The following NUMA1 variants were observed in gnomAD, a reference collection of about 807,000 sequenced individuals.
The protein encoded by NUMA1 is nuclear mitotic apparatus protein 1, also known as SP-H antigen.
In NUMA1, 62 loss-of-function variants were observed where a neutral mutation model predicts 237.1. The observed-to-expected ratio is 0.26, with a 90% CI of 0.21 to 0.32. NUMA1 has a LOEUF of 0.32. Among genes scored for constraint, NUMA1 ranks in the 10% least tolerant of loss-of-function variants. The pLI, the probability that NUMA1 is intolerant of heterozygous loss-of-function variation, is 1.00. For synonymous variants in NUMA1, 1,028 were observed against 1,066.1 expected (o/e 0.96, Z 0.70); for missense variants, 2,533 against 2,666.5 (o/e 0.95, Z 1.10).
intron 2 of NUMA1, among the ~76,000 whole-genome samples, chr11:72,064,386 C>T (rs1943106764): frequency 6.6e-6 from 1 of 151,838 alleles, no homozygotes; most frequent in African/African-American, 2.4e-5. Flanking sequence ...CACTTGAGCC[C>T]AGGAGGTCAA....
At chr11:72,048,674 AAAATCAGC>A (rs1434639405) in intron 2 of NUMA1, among the ~76,000 whole-genome samples, 1 of 152,090 alleles carries the variant, frequency 6.6e-6, no homozygotes, top group Non-Finnish European at 1.5e-5. Flanking sequence ...TGCCAGGCCG[AAAATCAGC>A]TTCTTAATCA....
In NUMA1 at chr11:72,015,708, G is replaced by T; in HGVS notation, c.1795C>A (p.Arg599=). The change falls in exon 15 of 27, where the codon CGG becomes AGG. Residue 599 remains arginine (R), a synonymous_variant. Coordinates refer to ENST00000393695, the MANE Select transcript of NUMA1 (RefSeq NM_006185.4). The surrounding 1 kb of genome is among the most constrained non-coding windows in gnomAD (Gnocchi z 4.0). ...TCCAGCTGCTTGAGAGCCGCATCCC[G>T]CTCCCTTAAGGAGGCCTCTCGCTCC... ...AEEREASLRE[R]DAALKQLEAL... 1 of 1,614,010 alleles carries T rather than the reference G, an allele frequency of 6.2e-7. No homozygotes were observed.
intron 17 of NUMA1, among the ~76,000 whole-genome samples, chr11:72,009,672 C>T (rs1212505860): frequency 6.6e-6 from 1 of 152,220 alleles, no homozygotes; most frequent in Non-Finnish European, 1.5e-5. Context: ...TCTTTGCATG[C>T]ACAATCTCCC....
At chr11:72,063,006 G>A (rs530842693) in intron 2 of NUMA1, among the ~76,000 whole-genome samples, 1 of 152,168 alleles carries the variant, frequency 6.6e-6, no homozygotes, top group South Asian at 2.1e-4. Flanking sequence ...AACAGGTGGA[G>A]GTTGCAGTGA....
Position 72,007,302 on chromosome 11 carries a change from C to A in NUMA1, c.5350G>T (p.Ala1784Ser). 2 of 1,613,036 alleles carry A rather than the reference C, an allele frequency of 1.2e-6. No individual in the cohort carries two copies. The highest frequency in any genetic ancestry group is 1.7e-6 in the Non-Finnish European group (2 of 1,179,672). The part of the protein sequence containing the change: ...YFTPIPARSQ[A>S]PLESSLDSLG... Reference sequence around the variant, plus strand: ...GAGTCCAGGCTGCTCTCCAGGGGGGCCTGACTCCGAGCAGGGATGGGAGTG... The same window carrying A: ...GAGTCCAGGCTGCTCTCCAGGGGGGACTGACTCCGAGCAGGGATGGGAGTG... Residue 1784 changes from alanine (A) to serine (S), a missense_variant, in exon 21 of 27, where the codon GCC becomes TCC. This residue lies in a region of NUMA1 where 795 missense variants were observed against 750.8 expected (regional missense o/e 1.06). Transcript: ENST00000393695.
At chr11:72,056,877 G>A (rs2136106784) in intron 2 of NUMA1, among the ~76,000 whole-genome samples, 1 of 151,938 alleles carries the variant, frequency 6.6e-6, no homozygotes, top group South Asian at 2.1e-4. Flanking sequence ...AGTAACAGAA[G>A]CCCAGGAAAG....
At chr11:72,057,904 T>C (rs1705774872) in intron 2 of NUMA1, among the ~76,000 whole-genome samples, 1 of 144,668 alleles carries the variant, frequency 6.9e-6, no homozygotes, top group Non-Finnish European at 1.5e-5. Context: ...ACCCTGTCTC[T>C]ATTAAAAAAA....
At chr11:72,005,754 C>T in intron 22 of NUMA1, 1 of 505,386 alleles carries the variant, frequency 2.0e-6, no homozygotes, top group Non-Finnish European at 3.5e-6. Flanking sequence ...AGCAGCCCAT[C>T]ACCGCCTGAG....
intron 2 of NUMA1, chr11:72,041,864 C>CT (rs1941694916): frequency 6.5e-6 from 1 of 152,832 alleles, no homozygotes; most frequent in African/African-American, 2.4e-5. Flanking sequence ...GTGCCCGCTC[C>CT]TCCCCCTCCG....
intron 1 of NUMA1, among the ~76,000 whole-genome samples, chr11:72,073,908 G>A (rs1046164599): frequency 9.2e-5 from 14 of 152,248 alleles, no homozygotes; most frequent in Admixed American, 9.2e-4. Context: ...AGTAGCTTCC[G>A]AGGCTGGCTG....
At chr11:72,023,546 G>A (rs1364903572) in intron 5 of NUMA1, among the ~76,000 whole-genome samples, 2 of 152,160 alleles carry the variant, frequency 1.3e-5, no homozygotes, top group Admixed American at 6.5e-5. Flanking sequence ...CTAGGGATAC[G>A]TGACTCTTAT....
chr11:72,074,416 G>A lies in NUMA1; in HGVS notation c.-102-4505C>T, dbSNP rs143592657. Among the ~76,000 whole-genome samples the A allele has an allele frequency of 3.6e-3, 549 of 152,072 alleles. 1 individual carries two copies. In the Middle Eastern group the frequency reaches 0.037, roughly 10 times the overall value. ...GAACAGTGCCTAGTTCACAATATAC[G>A]CTGGAAAAAAAATGTTACCTATTGC... On this transcript the variant is annotated intron_variant, in intron 1 of 26. Transcript: ENST00000393695.
chr11:72,025,229 G>A (rs571325638), intron 4 of NUMA1, among the ~76,000 whole-genome samples: 30 of 152,276 alleles, frequency 2.0e-4, no homozygotes, highest in African/African-American at 7.0e-4. Context: ...GTCTGTACTT[G>A]CTTAACTGGA....
At chr11:72,029,144 G>C in intron 4 of NUMA1, 61 bp downstream of exon 4, 2 of 1,230,996 alleles carry the variant, frequency 1.6e-6, no homozygotes, top group Non-Finnish European at 2.4e-6. Flanking sequence ...AACAAGTACA[G>C]CCCCCACCCC....
chr11:72,079,315 G>A (rs1943903298), intron 1 of NUMA1, among the ~76,000 whole-genome samples: 1 of 152,180 alleles, frequency 6.6e-6, no homozygotes, highest in African/African-American at 2.4e-5. Flanking sequence ...AGCCGAGGCG[G>A]GCGGATCACG....
chr11:72,012,452 G>A lies in NUMA1; in HGVS notation c.4609-10C>T. On this transcript the variant is annotated splice_polypyrimidine_tract_variant and intron_variant, in intron 15 of 26. Coordinates refer to ENST00000393695, the MANE Select transcript of NUMA1 (RefSeq NM_006185.4). ...CCTCTAGCTGCTCCACCTGTACATGGGGGAGGAGCAACAGAGACAGAGTGA... is the reference window on the plus strand; with the variant it reads ...CCTCTAGCTGCTCCACCTGTACATGAGGGAGGAGCAACAGAGACAGAGTGA... 1.9e-6 allele frequency: 3 copies of A among 1,612,060 alleles called. No homozygotes were observed. Among genetic ancestry groups the A allele is most frequent in the Non-Finnish European group, 2.5e-6 (3 of 1,178,874 alleles).
chr11:72,015,337 C>G lies in NUMA1; in HGVS notation c.2166G>C (p.Lys722Asn), dbSNP rs1234954609. Residue 722 changes from lysine (K) to asparagine (N), a missense_variant, in exon 15 of 27, where the codon AAG (lysine) becomes AAC (asparagine). This residue lies in a region of NUMA1 where 1,414 missense variants were observed against 1,508.1 expected (regional missense o/e 0.94). Coordinates refer to ENST00000393695, the MANE Select transcript of NUMA1 (RefSeq NM_006185.4). This position sits in a 1 kb window ranked among gnomAD's most constrained non-coding sequence, Gnocchi z 4.0. ...KVTKGSLEEE[K>N]RRAADALEEQ... ...CTTCCAGGGCATCTGCAGCCCTGCGCTTCTCCTCTTCAAGGCTGCCCTTGG... is the reference window on the plus strand; with the variant it reads ...CTTCCAGGGCATCTGCAGCCCTGCGGTTCTCCTCTTCAAGGCTGCCCTTGG... The G allele has an allele frequency of 1.9e-6, 3 of 1,613,330 alleles. No individual in the cohort carries two copies. The highest frequency in any genetic ancestry group is 2.5e-6 in the Non-Finnish European group (3 of 1,180,048).
At position 72,008,844 on chromosome 11, in the gene NUMA1, A is replaced by G; in HGVS notation, c.5060T>C (p.Val1687Ala). 1 of 1,614,108 alleles carries G rather than the reference A, an allele frequency of 6.2e-7. No individual in the cohort carries two copies. The highest frequency in any genetic ancestry group is 1.7e-4 in the Middle Eastern group (1 of 6,060). Residue 1687 changes from valine (V) to alanine (A), a missense_variant and splice_region_variant, in exon 20 of 27, where the codon GTT becomes GCT. Physicochemically the swap from Val to Ala is moderately conservative, Grantham distance 64. Around this residue, in one of 3 missense-constraint regions of NUMA1, gnomAD observed 795 missense variants for 750.8 expected, o/e 1.06. Transcript: ENST00000393695. ...TAQVRSLEAQ[V>A]AHADQQLRDL... ...TCGAAGCTGCTGGTCTGCATGGGCAACCTGAGAAGGAGAGGGCCAGGGGGA... is the reference window on the plus strand; with the variant it reads ...TCGAAGCTGCTGGTCTGCATGGGCAGCCTGAGAAGGAGAGGGCCAGGGGGA...
chr11:72,050,755 C>G (rs1485533061), intron 2 of NUMA1: 1 of 152,206 alleles, frequency 6.6e-6, no homozygotes, highest in African/African-American at 2.4e-5. Context: ...CAGCTACATC[C>G]TCTATCTTTC....
Sources: gnomAD v4.1 joint callset for allele counts (sites outside exome capture counted in the v4.1 genomes callset) on GRCh38, gnomAD v4.1.1 for gene constraint, gnomAD v4.1.1 regional missense constraint, Gnocchi (gnomAD v3.1) non-coding constraint, MANE v1.5 for transcripts, NCBI Gene and HGNC (gene_info 2026-07-23, HGNC 2026-07-21) for gene names.